Variants in C8A observed in about 807,000 individuals in gnomAD.
C8A encodes complement component C8 alpha chain.
Under a neutral mutation model 65.3 loss-of-function variants are expected in C8A, and 67 were observed. That is an observed-to-expected ratio of 1.03 (90% CI 0.84 to 1.26). C8A has a LOEUF of 1.26. C8A is among the 50% of genes most tolerant of loss of function. C8A has a pLI of 0.00. For synonymous variants in C8A, 290 were observed against 259.4 expected (o/e 1.12, Z -1.13); for missense variants, 781 against 723.9 (o/e 1.08, Z -0.90).
intron 6 of C8A, among the ~76,000 whole-genome samples, chr1:56,885,315 A>AATATATATTTATATAAAT (rs60530575): frequency 6.8e-5 from 8 of 117,040 alleles, no homozygotes; most frequent in African/African-American, 3.1e-4. Flanking sequence ...TATTTACATA[A>AATATATATTTATATAAAT]ATATATTTAT....
chr1:56,864,463 A>C (rs1169033994), intron 1 of C8A, among the ~76,000 whole-genome samples: 1 of 152,178 alleles, frequency 6.6e-6, no homozygotes, highest in Admixed American at 6.6e-5. Context: ...GAAAAAGTGC[A>C]GTGGGAATCC....
At chr1:56,870,022 C>G (rs928982129) in intron 2 of C8A, among the ~76,000 whole-genome samples, 6 of 152,160 alleles carry the variant, frequency 3.9e-5, no homozygotes, top group Non-Finnish European at 7.3e-5. Flanking sequence ...TTCTGCCTCT[C>G]TCATCTCTGA....
chr1:56,906,443 T>C lies in C8A; in HGVS notation c.1097-224T>C, dbSNP rs714902. Among the ~76,000 whole-genome samples the C allele has an allele frequency of 4.5e-3, 685 of 152,180 alleles. 9 individuals carry two copies. The highest frequency in any genetic ancestry group is 0.016 in the African/African-American group (652 of 41,546). ...CAAAGGAAAGAGTGCTAGCATTTTT[T>C]ACCAACTAGTATGTGCAACACATAT... On this transcript the variant is annotated intron_variant, in intron 7 of 10. Coordinates refer to ENST00000361249, the MANE Select transcript of C8A (RefSeq NM_000562.3).
chr1:56,884,101 T>G (rs1046615262), intron 6 of C8A, among the ~76,000 whole-genome samples: 3 of 151,472 alleles, frequency 2.0e-5, no homozygotes, highest in African/African-American at 7.3e-5. Flanking sequence ...ATTTTTCCAG[T>G]AAACCTTCAC....
chr1:56,912,514 C>G lies in C8A; in HGVS notation c.1492C>G (p.Arg498Gly). Residue 498 changes from arginine (R) to glycine (G), a missense_variant, in exon 10 of 11, where the codon CGA becomes GGA. Coordinates refer to ENST00000361249, the MANE Select transcript of C8A (RefSeq NM_000562.3). ...DQYLMEFNAC[R>G]CGPCFNNGVP... ...GTATCTGATGGAATTCAATGCCTGC[C>G]GATGTGGGCCTTGCTTCAACAATGG... The G allele has an allele frequency of 6.2e-7, 1 of 1,614,202 alleles. No homozygotes were observed. Among genetic ancestry groups the G allele is most frequent in the Non-Finnish European group, 8.5e-7 (1 of 1,180,032 alleles).
At chr1:56,876,611 T>C (rs1398937443) in intron 4 of C8A, among the ~76,000 whole-genome samples, 1 of 151,992 alleles carries the variant, frequency 6.6e-6, no homozygotes, top group Non-Finnish European at 1.5e-5. Flanking sequence ...ATGCTTGCAA[T>C]AACCAGGGCT....
chr1:56,858,631 G>C (rs1644000152), intron 1 of C8A, among the ~76,000 whole-genome samples: 1 of 152,142 alleles, frequency 6.6e-6, no homozygotes, highest in African/African-American at 2.4e-5. Context: ...AGCATCTTGG[G>C]CCAAGGCCAT....
At chr1:56,886,267 A>C in intron 7 of C8A, 100 bp downstream of exon 7, 581 of 1,428,780 alleles carry the variant, frequency 4.1e-4, no homozygotes, top group Non-Finnish European at 5.2e-4. Flanking sequence ...GGGTGATCTC[A>C]TTTAGTTTTT....
chr1:56,911,991 G>A lies in C8A; in HGVS notation c.1381-412G>A, dbSNP rs538871756. ...TCAGAGTTAAGTAGGTGATTCTTGT[G>A]AGGAATGCACACATTGCTCCAGGAT... On this transcript the variant is annotated intron_variant, in intron 9 of 10. Coordinates refer to ENST00000361249, the MANE Select transcript of C8A (RefSeq NM_000562.3). Among the ~76,000 whole-genome samples the A allele has an allele frequency of 2.0e-5, 3 of 152,308 alleles. No homozygotes were observed. In the East Asian group the frequency reaches 5.8e-4, roughly 29 times the overall value.
At chr1:56,890,422 G>A (rs1221677408) in intron 7 of C8A, among the ~76,000 whole-genome samples, 1 of 152,098 alleles carries the variant, frequency 6.6e-6, no homozygotes, top group Non-Finnish European at 1.5e-5. Flanking sequence ...CAAAGCTTAC[G>A]ATCCAGTGGA....
intron 9 of C8A, among the ~76,000 whole-genome samples, chr1:56,911,869 AAC>A (rs1457040164): frequency 6.6e-6 from 1 of 152,194 alleles, no homozygotes; most frequent in Non-Finnish European, 1.5e-5. Flanking sequence ...TGACATTTAA[AAC>A]ACACACTTTT....
chr1:56,878,999 G>C (rs1644226145), intron 4 of C8A, among the ~76,000 whole-genome samples: 1 of 152,102 alleles, frequency 6.6e-6, no homozygotes, highest in Non-Finnish European at 1.5e-5. Context: ...TTAATAAGCA[G>C]CATATTCTTC....
rs142908407 is a variant in C8A, at chr1:56,874,699, C to G, written c.172-250C>G. Among the ~76,000 whole-genome samples the G allele has an allele frequency of 4.8e-3, 730 of 152,198 alleles. 4 individuals carry two copies. The highest frequency in any genetic ancestry group is 0.017 in the African/African-American group (696 of 41,528). On this transcript the variant is annotated intron_variant, in intron 2 of 10. Transcript: ENST00000361249. ...GGTTATTCCTAGCAAGTAGGAAGAC[C>G]CTAGAAATATCTTGTCCAGGCCTTT...
At chr1:56,905,553 T>C (rs1169753515) in intron 7 of C8A, among the ~76,000 whole-genome samples, 1 of 152,228 alleles carries the variant, frequency 6.6e-6, no homozygotes, top group Non-Finnish European at 1.5e-5. Context: ...CGCAAGTCCT[T>C]GACATCACAG....
intron 7 of C8A, among the ~76,000 whole-genome samples, chr1:56,887,922 G>A (rs112157922): frequency 1.9e-4 from 29 of 152,272 alleles, no homozygotes; most frequent in African/African-American, 6.7e-4. Flanking sequence ...TCATAAGTGG[G>A]AGTTGAACAA....
chr1:56,889,038 T>A (rs749824005), intron 7 of C8A, among the ~76,000 whole-genome samples: 3 of 152,138 alleles, frequency 2.0e-5, no homozygotes, highest in Non-Finnish European at 2.9e-5. Context: ...TGGTGGCCCC[T>A]CCTCTTTAAA....
At chr1:56,911,421 G>A (rs1267010274) in intron 9 of C8A, among the ~76,000 whole-genome samples, 1 of 152,228 alleles carries the variant, frequency 6.6e-6, no homozygotes, top group East Asian at 1.9e-4. Flanking sequence ...AGATCACACA[G>A]TCGGAAGCAG....
At chr1:56,868,347 A>G (rs894694726) in intron 2 of C8A, among the ~76,000 whole-genome samples, 4 of 151,300 alleles carry the variant, frequency 2.6e-5, no homozygotes, top group Admixed American at 1.3e-4. Context: ...GAGGGCTCAC[A>G]CCTGTAATCC....
In C8A at chr1:56,886,016, G is replaced by A; in HGVS notation, c.945G>A (p.Leu315=). The change falls in exon 7 of 11, where the codon CTG becomes CTA. Residue 315 remains leucine (L), a synonymous_variant. Coordinates refer to ENST00000361249, the MANE Select transcript of C8A (RefSeq NM_000562.3). ...ACATTATGCTGGATGAAGGAATGCT[G>A]CAGTCATTAATGGAGCTTCCAGATC... The part of the protein sequence containing the change: ...KDDIMLDEGM[L]QSLMELPDQY... 6.2e-7 allele frequency: 1 copy of A among 1,614,060 alleles called. No homozygotes were observed. Among genetic ancestry groups the A allele is most frequent in the Non-Finnish European group, 8.5e-7 (1 of 1,179,932 alleles).
Sources: gnomAD v4.1 joint callset for allele counts (sites outside exome capture counted in the v4.1 genomes callset) on GRCh38, gnomAD v4.1.1 for gene constraint, MANE v1.5 for transcripts, NCBI Gene and HGNC (gene_info 2026-07-23, HGNC 2026-07-21) for gene names.